Variants in KCNJ3 observed in about 807,000 individuals in gnomAD.
The protein encoded by KCNJ3 is G protein-activated inward rectifier potassium channel 1.
A neutral mutation model predicts 39.2 loss-of-function variants in KCNJ3; 4 were observed. That is an observed-to-expected ratio of 0.10 (90% confidence interval 0.05 to 0.23). The LOEUF (loss-of-function observed/expected upper bound fraction) is 0.23, where lower values mean the gene tolerates loss of function less well. KCNJ3 is among the 10% of genes least tolerant of loss of function. The pLI is 1.00. For missense variants in KCNJ3, 276 were observed against 634.9 expected, an observed-to-expected ratio of 0.43 and a Z score of 6.08; for synonymous variants, 230 against 237.4, an observed-to-expected ratio of 0.97 and a Z score of 0.29.
At chr2:154,837,385 G>A (rs889917675) in intron 2 of KCNJ3, among the ~76,000 whole-genome samples, 26 of 143,504 alleles carry the variant, frequency 1.8e-4, no homozygotes, top group Non-Finnish European at 2.9e-4. Flanking sequence ...TTGAGTTCAT[G>A]AGTTGAATTA....
At chr2:154,852,954 A>G (rs1264142847) in intron 2 of KCNJ3, among the ~76,000 whole-genome samples, 2 of 152,104 alleles carry the variant, frequency 1.3e-5, no homozygotes, top group East Asian at 1.9e-4. Flanking sequence ...ACATTACGGC[A>G]AAGTAAAATA....
intron 2 of KCNJ3, among the ~76,000 whole-genome samples, chr2:154,717,588 C>T (rs1685202153): frequency 1.3e-5 from 2 of 152,090 alleles, no homozygotes; most frequent in Non-Finnish European, 2.9e-5. Context: ...AGGATTCTTC[C>T]TCCCGAAGTT....
At chr2:154,830,234 T>C (rs1687340076) in intron 2 of KCNJ3, among the ~76,000 whole-genome samples, 1 of 152,178 alleles carries the variant, frequency 6.6e-6, no homozygotes. Context: ...GATTTTTAAA[T>C]TGCACTATTC....
intron 2 of KCNJ3, among the ~76,000 whole-genome samples, chr2:154,736,374 TAAAAAAAAA>T (rs70983745): frequency 2.4e-4 from 22 of 93,220 alleles, no homozygotes; most frequent in Non-Finnish European, 3.4e-4. Context: ...TCACTAGTTC[TAAAAAAAAA>T]AAAAAAAAAA....
At chr2:154,838,940 TTATG>T (rs753043204) in intron 2 of KCNJ3, among the ~76,000 whole-genome samples, 65 of 149,580 alleles carry the variant, frequency 4.3e-4, no homozygotes, top group African/African-American at 1.4e-3. Flanking sequence ...CTAGAAATTT[TTATG>T]TATGTATTTA....
At chr2:154,745,665 CTT>C (rs994858601) in intron 2 of KCNJ3, among the ~76,000 whole-genome samples, 3 of 152,122 alleles carry the variant, frequency 2.0e-5, no homozygotes, top group Admixed American at 1.3e-4. Context: ...AAGTCTCACA[CTT>C]TTGGCATCTT....
intron 1 of KCNJ3, among the ~76,000 whole-genome samples, chr2:154,704,801 A>G (rs1466582327): frequency 2.0e-5 from 3 of 152,058 alleles, no homozygotes; most frequent in Admixed American, 2.0e-4. Context: ...TCCCAATGTT[A>G]GTTTCCAGAT....
chr2:154,706,938 C>T (rs932989200), intron 1 of KCNJ3, among the ~76,000 whole-genome samples: 1 of 151,920 alleles, frequency 6.6e-6, no homozygotes, highest in Non-Finnish European at 1.5e-5. Flanking sequence ...TTAAGAGGCT[C>T]CTCACTCTAC....
intron 2 of KCNJ3, among the ~76,000 whole-genome samples, chr2:154,787,727 C>A (rs988010470): frequency 2.0e-5 from 3 of 151,410 alleles, no homozygotes; most frequent in Admixed American, 1.3e-4. Flanking sequence ...TTGAAACTAG[C>A]CTGTGCCATT....
At chr2:154,753,043 T>C (rs983025069) in intron 2 of KCNJ3, among the ~76,000 whole-genome samples, 1 of 152,232 alleles carries the variant, frequency 6.6e-6, no homozygotes, top group African/African-American at 2.4e-5. Context: ...GTTAGCATTA[T>C]TGACCTCAGT....
intron 2 of KCNJ3, among the ~76,000 whole-genome samples, chr2:154,790,925 A>G (rs914515878): frequency 1.3e-5 from 2 of 152,104 alleles, no homozygotes; most frequent in African/African-American, 4.8e-5. Flanking sequence ...TAAGTCAGAA[A>G]ATAATAAGAG....
chr2:154,780,747 T>A (rs1204174190), intron 2 of KCNJ3, among the ~76,000 whole-genome samples: 1 of 152,144 alleles, frequency 6.6e-6, no homozygotes, highest in Non-Finnish European at 1.5e-5. Context: ...ATGCATGTAT[T>A]TAGAAATATA....
intron 2 of KCNJ3, among the ~76,000 whole-genome samples, chr2:154,746,934 A>G (rs1011209157): frequency 1.2e-4 from 18 of 151,956 alleles, no homozygotes; most frequent in Admixed American, 7.9e-4. Flanking sequence ...TCTTACCAAT[A>G]ATATCTAGTC....
intron 2 of KCNJ3, among the ~76,000 whole-genome samples, chr2:154,814,880 TC>T (rs1222464887): frequency 1.3e-5 from 2 of 152,216 alleles, no homozygotes; most frequent in African/African-American, 2.4e-5. Context: ...AGTTCTAAGT[TC>T]TAAGAATAAA....
intron 2 of KCNJ3, among the ~76,000 whole-genome samples, chr2:154,823,762 T>TTTA (rs1687222478): frequency 1.3e-5 from 2 of 152,168 alleles, no homozygotes; most frequent in South Asian, 4.1e-4. Context: ...TACATCTTAG[T>TTTA]TTATTTATAT....
rs141654287 is a variant in KCNJ3 at position 154,852,926 on chromosome 2, A to G, written c.920-1801A>G. Among the ~76,000 whole-genome samples, 451 of 152,260 alleles carry G rather than the reference A, an allele frequency of 3.0e-3. 21 individuals carry two copies. In the South Asian group the frequency reaches 0.083, roughly 28 times the overall value. ...CAGAGTTTAAGTGATAACTGAGTTC[A>G]TAACTAAAATATTAGAGACATTACG... On this transcript the variant is annotated intron_variant, in intron 2 of 2. Transcript: ENST00000295101.
chr2:154,773,756 T>C (rs1051177848), intron 2 of KCNJ3, among the ~76,000 whole-genome samples: 5 of 152,194 alleles, frequency 3.3e-5, no homozygotes, highest in African/African-American at 1.2e-4. Context: ...ATTGATTGAA[T>C]GTCTGATATT....
intron 2 of KCNJ3, among the ~76,000 whole-genome samples, chr2:154,777,378 C>T (rs545396059): frequency 6.6e-6 from 1 of 152,164 alleles, no homozygotes; most frequent in African/African-American, 2.4e-5. Context: ...AAACCATGTA[C>T]ATTTATTGGG....
At chr2:154,824,777 C>A (rs921177434) in intron 2 of KCNJ3, among the ~76,000 whole-genome samples, 1 of 152,090 alleles carries the variant, frequency 6.6e-6, no homozygotes, top group Non-Finnish European at 1.5e-5. Context: ...AAGAATGTTG[C>A]AGAAACCGCA....
Sources: gnomAD v4.1 joint callset for allele counts (sites outside exome capture counted in the v4.1 genomes callset) on GRCh38, gnomAD v4.1.1 for gene constraint, MANE v1.5 for transcripts, NCBI Gene and HGNC (gene_info 2026-07-23, HGNC 2026-07-21) for gene names.